The following RPS6KA2 variants were observed in gnomAD, a reference collection of about 807,000 sequenced individuals.
RPS6KA2 encodes the protein ribosomal protein S6 kinase A2.
In RPS6KA2, 42 loss-of-function variants were observed where a neutral mutation model predicts 91.8. That is an observed-to-expected ratio of 0.46 (90% CI 0.36 to 0.59). The LOEUF (loss-of-function observed/expected upper bound fraction) is 0.59, where lower values mean the gene tolerates loss of function less well. Among genes scored for constraint, RPS6KA2 ranks in the 20% least tolerant of loss-of-function variants. The pLI is 0.00. For synonymous variants in RPS6KA2, 414 were observed against 393.6 expected (o/e 1.05, Z -0.61); for missense variants, 798 against 978.5 (o/e 0.82, Z 2.46).
intron 2 of RPS6KA2, among the ~76,000 whole-genome samples, chr6:166,761,811 T>A (rs999393324): frequency 6.6e-6 from 1 of 152,214 alleles, no homozygotes; most frequent in African/African-American, 2.4e-5. Context: ...CGCACGGCTG[T>A]GTCCTCCCCA....
chr6:166,689,374 G>A (rs376832941), intron 2 of RPS6KA2, among the ~76,000 whole-genome samples: 81 of 152,362 alleles, frequency 5.3e-4, no homozygotes, highest in Non-Finnish European at 9.1e-4. Context: ...CACCTGCCAC[G>A]GATATGTGTG....
intron 1 of RPS6KA2, among the ~76,000 whole-genome samples, chr6:166,584,242 C>A (rs559444009): frequency 4.6e-5 from 7 of 152,352 alleles, no homozygotes; most frequent in Middle Eastern, 3.4e-3. Flanking sequence ...AGCGCCCTTT[C>A]GTGGTGGAGC....
intron 16 of RPS6KA2, among the ~76,000 whole-genome samples, chr6:166,429,639 T>C (rs58445097): frequency 0.011 from 1,709 of 152,082 alleles, 31 homozygotes; most frequent in African/African-American, 0.037. Context: ...TCAGTAGAGA[T>C]GGGGTTTTGC....
At chr6:166,430,741 A>G in intron 15 of RPS6KA2, 130 bp from the exon 16 acceptor site, 1 of 876,314 alleles carries the variant, frequency 1.1e-6, no homozygotes, top group Non-Finnish European at 1.7e-6. Context: ...GGGAGTGCAA[A>G]CAAGGCTTCT....
chr6:166,664,698 T>C (rs1349238860), intron 2 of RPS6KA2, among the ~76,000 whole-genome samples: 1 of 152,104 alleles, frequency 6.6e-6, no homozygotes, highest in Non-Finnish European at 1.5e-5. Flanking sequence ...TGTTTTTTAG[T>C]TACAAAATTC....
At chr6:166,597,463 C>T (rs724959) in intron 1 of RPS6KA2, among the ~76,000 whole-genome samples, 1 of 152,072 alleles carries the variant, frequency 6.6e-6, no homozygotes, top group East Asian at 1.9e-4. Context: ...GGCAGTGGAG[C>T]GGGTGCTGGG....
At position 166,571,792 on chromosome 6, in the gene RPS6KA2, T is replaced by C. The variant is rs538075777; in HGVS notation, c.100-33008A>G. On this transcript the variant is annotated intron_variant, in intron 1 of 20. Transcript: ENST00000265678. ...GACAAATGCCAGTGTGAGCGCAGCT[T>C]GAACGGCCTCTGGAAAGCAATCTGG... Among the ~76,000 whole-genome samples, 9 of 152,286 alleles carry C rather than the reference T, an allele frequency of 5.9e-5. No individual in the cohort carries two copies. In the East Asian group the frequency reaches 1.7e-3, roughly 29 times the overall value.
chr6:166,505,490 C>A (rs1175704247), intron 5 of RPS6KA2, among the ~76,000 whole-genome samples: 2 of 152,212 alleles, frequency 1.3e-5, no homozygotes, highest in African/African-American at 4.8e-5. Flanking sequence ...TTTCTATATT[C>A]GTCAGGAGAA....
At chr6:166,724,344 T>G (rs570345283) in intron 2 of RPS6KA2, among the ~76,000 whole-genome samples, 1 of 152,216 alleles carries the variant, frequency 6.6e-6, no homozygotes, top group Admixed American at 6.5e-5. Context: ...CAGCTAGCTC[T>G]TTGTTGTAGA....
At chr6:166,776,141 G>A (rs1279543594) in intron 2 of RPS6KA2, among the ~76,000 whole-genome samples, 1 of 152,198 alleles carries the variant, frequency 6.6e-6, no homozygotes. Context: ...AATACGTGGA[G>A]AAAGTACAGC....
intron 2 of RPS6KA2, among the ~76,000 whole-genome samples, chr6:166,749,803 T>C (rs907406138): frequency 2.4e-5 from 3 of 123,974 alleles, no homozygotes; most frequent in Admixed American, 8.4e-5. Context: ...CCATCCTCCT[T>C]AATGTCTGCA....
At chr6:166,426,009 GCACCA>G (rs1488025377) in intron 16 of RPS6KA2, among the ~76,000 whole-genome samples, 1 of 151,380 alleles carries the variant, frequency 6.6e-6, no homozygotes, top group Non-Finnish European at 1.5e-5. Context: ...ATTTTTTTCA[GCACCA>G]CACCACACCT....
At chr6:166,708,321 T>G (rs1425672938) in intron 2 of RPS6KA2, among the ~76,000 whole-genome samples, 2 of 152,230 alleles carry the variant, frequency 1.3e-5, no homozygotes, top group Non-Finnish European at 2.9e-5. Context: ...TTCACAAGTA[T>G]TTACAATAAA....
chr6:166,429,457 A>T (rs1478704905), intron 16 of RPS6KA2, among the ~76,000 whole-genome samples: 2 of 152,070 alleles, frequency 1.3e-5, no homozygotes, highest in African/African-American at 2.4e-5. Context: ...TTAAAAAAAA[A>T]TTTTTAAATT....
At chr6:166,760,435 G>A (rs1467832728) in intron 2 of RPS6KA2, among the ~76,000 whole-genome samples, 1 of 152,210 alleles carries the variant, frequency 6.6e-6, no homozygotes, top group Non-Finnish European at 1.5e-5. Context: ...TCACCAAAGC[G>A]ATCTACTGAA....
intron 1 of RPS6KA2, among the ~76,000 whole-genome samples, chr6:166,619,627 C>T (rs933601782): frequency 6.6e-6 from 1 of 152,214 alleles, no homozygotes; most frequent in South Asian, 2.1e-4. Flanking sequence ...GGCTTCCTGC[C>T]TCCTCCCAGC....
chr6:166,538,653 C>A lies in RPS6KA2; in HGVS notation c.216+15G>T. On this transcript the variant is annotated intron_variant, in intron 2 of 20. Coordinates refer to ENST00000265678, the MANE Select transcript of RPS6KA2 (RefSeq NM_021135.6). ...TCAGGAATGAGACTCAAGAGACAGCCAGGGCTGAACTTACCTTTCCATAGG... is the reference window on the plus strand; with the variant it reads ...TCAGGAATGAGACTCAAGAGACAGCAAGGGCTGAACTTACCTTTCCATAGG... 7.1e-7 allele frequency: 1 copy of A among 1,412,368 alleles called. No individual in the cohort carries two copies. Among genetic ancestry groups the A allele is most frequent in the Non-Finnish European group, 1.0e-6 (1 of 997,022 alleles). The allele number at this position is 1,412,368 out of a possible 1,614,324, so 87.5% of individuals were successfully genotyped here. A position where few individuals can be genotyped will look rare whatever the true frequency, so the allele number is the denominator to read the frequency against.
chr6:166,787,251 A>G (rs1778956650), intron 2 of RPS6KA2, among the ~76,000 whole-genome samples: 1 of 152,228 alleles, frequency 6.6e-6, no homozygotes, highest in Non-Finnish European at 1.5e-5. Flanking sequence ...TACCTAAGTA[A>G]TCAACAATAG....
intron 14 of RPS6KA2, among the ~76,000 whole-genome samples, chr6:166,441,611 A>G (rs1203725402): frequency 6.6e-6 from 1 of 152,154 alleles, no homozygotes; most frequent in Non-Finnish European, 1.5e-5. Flanking sequence ...TCTGGAGTGA[A>G]CTTGAACACA....
Sources: gnomAD v4.1 joint callset for allele counts (sites outside exome capture counted in the v4.1 genomes callset) on GRCh38, gnomAD v4.1.1 for gene constraint, MANE v1.5 for transcripts, NCBI Gene and HGNC (gene_info 2026-07-23, HGNC 2026-07-21) for gene names.